The following ANKS3 variants were observed in gnomAD, a reference collection of about 807,000 sequenced individuals.
ANKS3 encodes ankyrin repeat and SAM domain-containing protein 3.
A neutral mutation model predicts 80.7 loss-of-function variants in ANKS3; 62 were observed. The ratio of observed to expected loss-of-function variants is 0.77; its 90% CI spans 0.63 to 0.95. The LOEUF (loss-of-function observed/expected upper bound fraction) is 0.95. Ranked by LOEUF, ANKS3 falls within the 40% of genes least tolerant of loss-of-function variation. ANKS3 has a pLI of 0.00. For missense variants in ANKS3, 1,150 were observed against 883.6 expected, an observed-to-expected ratio of 1.30 and a Z score of -3.82; for synonymous variants, 489 against 355.3, an observed-to-expected ratio of 1.38 and a Z score of -4.23.
Position 4,709,224 on chromosome 16 carries a change from T to C in ANKS3, c.710-3971A>G, listed in dbSNP as rs1238238748. On this transcript the variant is annotated intron_variant, in intron 7 of 17. Coordinates refer to ENST00000304283, the MANE Select transcript of ANKS3 (RefSeq NM_133450.4). ...GAGTTCGAGACCACCCTGACCAACA[T>C]GGAGAAACCCTGTCTCTCCCAAAAA... Among the ~76,000 whole-genome samples, 6 of 151,648 alleles carry C rather than the reference T, an allele frequency of 4.0e-5. No individual in the cohort carries two copies. In the East Asian group the frequency reaches 9.8e-4, roughly 25 times the overall value.
intron 6 of ANKS3, among the ~76,000 whole-genome samples, chr16:4,720,307 C>T (rs536614003): frequency 1.3e-4 from 19 of 150,268 alleles, no homozygotes; most frequent in Admixed American, 3.3e-4. Flanking sequence ...ACTAAAAATA[C>T]AAAAATTAGC....
Position 4,732,959 on chromosome 16 carries a change from T to C in ANKS3, c.-71+979A>G, listed in dbSNP as rs8049682. On this transcript the variant is annotated intron_variant, in intron 1 of 17. Coordinates refer to ENST00000304283, the MANE Select transcript of ANKS3 (RefSeq NM_133450.4). ...GCGGAGATCGTTATGTTTAGTGAAA[T>C]AAGCCAGGCACAGAAAGATAAATAT... 5.9e-3 allele frequency among the ~76,000 whole-genome samples: 892 copies of C among 152,156 alleles called. 10 individuals are homozygous for C. Among genetic ancestry groups the C allele is most frequent in the Non-Finnish European group, 0.01 (711 of 67,992 alleles).
At chr16:4,708,846 G>A (rs1467152142) in intron 7 of ANKS3, among the ~76,000 whole-genome samples, 1 of 152,014 alleles carries the variant, frequency 6.6e-6, no homozygotes, top group Non-Finnish European at 1.5e-5. Flanking sequence ...GGCTGAGGCA[G>A]GAGAATCGCT....
intron 8 of ANKS3, 62 bp downstream of exon 8, chr16:4,705,033 T>C: frequency 6.3e-7 from 1 of 1,585,780 alleles, no homozygotes; most frequent in Non-Finnish European, 8.6e-7. Context: ...TATTCCATTC[T>C]TGCCAACACA....
chr16:4,698,805 G>A lies in ANKS3; in HGVS notation c.1546C>T (p.His516Tyr). Residue 516 changes from histidine to tyrosine, a missense_variant, in exon 13 of 18, where the codon CAC becomes TAC. His to Tyr is a moderately conservative substitution (Grantham distance 83). Transcript: ENST00000304283. Reference sequence around the variant, plus strand: ...TCCCCCACCCAGCCACTCACCTTGTGCAGCTGGATGGCGAGCTCCTGCATC... The same window carrying A: ...TCCCCCACCCAGCCACTCACCTTGTACAGCTGGATGGCGAGCTCCTGCATC... ...AEMQELAIQLHKRCEEVEATR... is the reference protein window; with the variant it reads ...AEMQELAIQLYKRCEEVEATR... 1 of 1,605,552 alleles carries A rather than the reference G, an allele frequency of 6.2e-7. No individual in the cohort carries two copies. The highest frequency in any genetic ancestry group is 8.5e-7 in the Non-Finnish European group (1 of 1,176,168).
intron 7 of ANKS3, among the ~76,000 whole-genome samples, chr16:4,709,165 G>A (rs1426949551): frequency 6.6e-6 from 1 of 151,908 alleles, no homozygotes; most frequent in Non-Finnish European, 1.5e-5. Flanking sequence ...CCAGCACTTT[G>A]GGAGGCCGAG....
At chr16:4,704,654 G>A (rs1388787367) in intron 8 of ANKS3, among the ~76,000 whole-genome samples, 1 of 152,156 alleles carries the variant, frequency 6.6e-6, no homozygotes, top group Non-Finnish European at 1.5e-5. Context: ...CAACTTCATC[G>A]CCCTGAGAAA....
intron 1 of ANKS3, among the ~76,000 whole-genome samples, chr16:4,733,696 C>G (rs1490942709): frequency 6.6e-6 from 1 of 152,158 alleles, no homozygotes; most frequent in African/African-American, 2.4e-5. Flanking sequence ...GTGATTATTA[C>G]GAACTGCATG....
chr16:4,701,702 C>G (rs765827549), intron 9 of ANKS3, 159 bp from the exon 10 acceptor site: 2 of 606,842 alleles, frequency 3.3e-6, no homozygotes, highest in Admixed American at 6.3e-5. Flanking sequence ...ACCCTCCCCT[C>G]TATACAGACG....
At chr16:4,726,816 T>C in intron 4 of ANKS3, 36 bp from the exon 5 acceptor site, 2 of 1,606,298 alleles carry the variant, frequency 1.2e-6, no homozygotes, top group Non-Finnish European at 1.7e-6. Flanking sequence ...TACGGCCTCA[T>C]CTCCTCTGCG....
chr16:4,730,113 G>A lies in ANKS3; in HGVS notation c.37C>T (p.Leu13Phe). ...ELSDEASEPE[L>F]LNRSLSMWHG... ...CACATGGACAAGCTGCGGTTCAGGA[G>A]TTCCGGCTCGCTGGCTTCATCGCTG... Residue 13 changes from leucine to phenylalanine, a missense_variant, in exon 3 of 18, where the codon CTC becomes TTC. Physicochemically the swap from Leu to Phe is conservative, Grantham distance 22. Coordinates refer to ENST00000304283, the MANE Select transcript of ANKS3 (RefSeq NM_133450.4). 6.3e-7 allele frequency: 1 copy of A among 1,590,144 alleles called. No homozygotes were observed. Among genetic ancestry groups the A allele is most frequent in the African/African-American group, 1.3e-5 (1 of 74,110 alleles).
chr16:4,714,441 T>C (rs2080668402), intron 6 of ANKS3: 10 of 533,308 alleles, frequency 1.9e-5, no homozygotes, highest in Non-Finnish European at 3.0e-5. Flanking sequence ...ATGACCTCCC[T>C]TGCAGGGGGC....
chr16:4,699,569 G>A (rs1258180784), intron 11 of ANKS3: 1 of 231,518 alleles, frequency 4.3e-6, no homozygotes, highest in East Asian at 9.7e-5. Flanking sequence ...GCTCTTCTCC[G>A]AGTTCACCTG....
intron 6 of ANKS3, among the ~76,000 whole-genome samples, chr16:4,716,339 C>G (rs576777998): frequency 3.6e-5 from 5 of 137,090 alleles, no homozygotes; most frequent in Non-Finnish European, 7.6e-5. Flanking sequence ...CCAGCCTGGG[C>G]GACACACGGA....
rs561854870 is a variant in ANKS3 at position 4,710,934 on chromosome 16, C to T, written c.709+3117G>A. Among the ~76,000 whole-genome samples, 182 of 147,982 alleles carry T rather than the reference C, an allele frequency of 1.2e-3. 1 individual carries two copies. In the Middle Eastern group the frequency reaches 0.016, roughly 13 times the overall value. On this transcript the variant is annotated intron_variant, in intron 7 of 17. Coordinates refer to ENST00000304283, the MANE Select transcript of ANKS3 (RefSeq NM_133450.4). ...CTGCCTCAGCCTCCAGAGTAGCTGG[C>T]GCACACCACCACATTGGCTTATTTT...
At chr16:4,728,004 C>G (rs2081440605) in intron 3 of ANKS3, 1 of 152,234 alleles carries the variant, frequency 6.6e-6, no homozygotes, top group Admixed American at 6.6e-5. Flanking sequence ...GGGATAACAA[C>G]TGGTGACTGA....
chr16:4,729,210 G>A (rs1302720404), intron 3 of ANKS3: 3 of 152,260 alleles, frequency 2.0e-5, no homozygotes, highest in African/African-American at 7.2e-5. Flanking sequence ...GATTAGCAAA[G>A]GGCAGGTGGG....
At chr16:4,697,171 G>T (rs2079606588) in intron 16 of ANKS3, 67 bp from the exon 17 acceptor site, 1 of 1,585,666 alleles carries the variant, frequency 6.3e-7, no homozygotes, top group African/African-American at 1.3e-5. Context: ...CTGCCCCGGG[G>T]TCTCAGCTGC....
intron 1 of ANKS3, among the ~76,000 whole-genome samples, chr16:4,731,823 G>C (rs1361899210): frequency 6.6e-6 from 1 of 152,096 alleles, no homozygotes; most frequent in Non-Finnish European, 1.5e-5. Flanking sequence ...CTTTCCCCGA[G>C]ATGGGCCTAC....
Sources: allele counts gnomAD v4.1 joint callset (sites outside exome capture counted in the v4.1 genomes callset), GRCh38; gene constraint gnomAD v4.1.1; transcripts MANE v1.5; gene names NCBI Gene and HGNC (gene_info 2026-07-23, HGNC 2026-07-21).